GINS4: variants seen among roughly 807,000 people sequenced by gnomAD.
The protein encoded by GINS4 is GINS complex subunit 4, also known as DNA replication complex GINS protein SLD5.
In GINS4, 20 loss-of-function variants were observed where a neutral mutation model predicts 31.1. The ratio of observed to expected loss-of-function variants is 0.64; its 90% CI spans 0.45 to 0.93. The LOEUF (loss-of-function observed/expected upper bound fraction) is 0.93, where lower values mean the gene tolerates loss of function less well. GINS4 is among the 40% of genes least tolerant of loss of function. The pLI is 0.00. For missense variants in GINS4, 245 were observed against 273.9 expected (o/e 0.89, Z 0.75); for synonymous variants, 85 against 97.9 (o/e 0.87, Z 0.78).
Position 41,538,405 on chromosome 8 carries a change from CATCACATTAGCATATTT to C in GINS4, c.297+1129_297+1145del, listed in dbSNP as rs533038196. Among the ~76,000 whole-genome samples the C allele has an allele frequency of 9.0e-4, 137 of 152,100 alleles. 2 individuals carry two copies. The South Asian group carries it at 0.028, about 31-fold the overall frequency. On this transcript the variant is annotated intron_variant, in intron 4 of 7. Transcript: ENST00000276533. ...ATTAAGCTGGTAGTAATGCCAACCA[CATCACATTAGCATATTT>C]ATCACATTAGCATATTGACAGGTAC...
At chr8:41,534,254 A>G in intron 2 of GINS4, 1 of 427,972 alleles carries the variant, frequency 2.3e-6, no homozygotes, top group Non-Finnish European at 4.7e-6. Context: ...AAAAAATTTA[A>G]AAATTAGCCA....
chr8:41,537,372 C>T lies in GINS4; in HGVS notation c.297+79C>T, dbSNP rs958694574. The T allele has an allele frequency of 6.2e-5, 67 of 1,087,828 alleles. No homozygotes were observed. In the Middle Eastern group the frequency reaches 8.8e-4, roughly 14 times the overall value. The allele number at this position is 1,087,828 out of a possible 1,614,324, so 67.4% of individuals were successfully genotyped here. On this transcript the variant is annotated intron_variant, in intron 4 of 7. Transcript: ENST00000276533. ...CTGAATGTCCTGGGGAAAACTTGGGCTGGGGCCCAGGAGGGTCCAGGACCT... is the reference window on the plus strand; with the variant it reads ...CTGAATGTCCTGGGGAAAACTTGGGTTGGGGCCCAGGAGGGTCCAGGACCT...
At chr8:41,530,112 C>A in intron 1 of GINS4, 72 bp from the exon 2 acceptor site, 1 of 991,422 alleles carries the variant, frequency 1.0e-6, no homozygotes, top group Non-Finnish European at 1.5e-6. Flanking sequence ...TTTCCTTTCT[C>A]CAGATAGATG....
intron 4 of GINS4, among the ~76,000 whole-genome samples, chr8:41,538,912 A>G (rs1806786850): frequency 6.6e-6 from 1 of 150,876 alleles, no homozygotes; most frequent in Non-Finnish European, 1.5e-5. Context: ...GGCCAGGCTG[A>G]TCTCGAACTC....
chr8:41,541,814 A>G lies in GINS4; in HGVS notation c.490A>G (p.Lys164Glu). ...CATTGTTGTTTTCCTGGCAGTTCCC[A>G]AACCAGATCTAGATTCTTACGTGTT... Reference protein sequence around the residue: ...QKVDLFRAVPKPDLDSYVFLR... With the variant: ...QKVDLFRAVPEPDLDSYVFLR... The change falls in exon 7 of 8, where the codon AAA becomes GAA. Residue 164 changes from lysine to glutamate, a missense_variant. Lys to Glu is a moderately conservative substitution (Grantham distance 56). Coordinates refer to ENST00000276533, the MANE Select transcript of GINS4 (RefSeq NM_032336.3). The G allele has an allele frequency of 6.2e-7, 1 of 1,613,824 alleles. No individual in the cohort carries two copies. Among genetic ancestry groups the G allele is most frequent in the Non-Finnish European group, 8.5e-7 (1 of 1,179,730 alleles).
chr8:41,530,064 TA>T, intron 1 of GINS4, 119 bp from the exon 2 acceptor site: 1 of 621,980 alleles, frequency 1.6e-6, no homozygotes, highest in African/African-American at 1.9e-5. Flanking sequence ...CACCACTTGC[TA>T]AAGGGCCTCT....
At chr8:41,541,932 T>C (rs1806848246) in intron 7 of GINS4, 33 bp downstream of exon 7, 2 of 1,609,896 alleles carry the variant, frequency 1.2e-6, no homozygotes, top group African/African-American at 2.7e-5. Flanking sequence ...AGTGGGCACA[T>C]TCCTCCCGAT....
intron 2 of GINS4, 47 bp from the exon 3 acceptor site, chr8:41,536,313 A>G (rs1806740374): frequency 8.6e-7 from 1 of 1,157,556 alleles, no homozygotes; most frequent in African/African-American, 1.5e-5. Context: ...TGGGTTGTTT[A>G]GCTCTGTGGT....
intron 6 of GINS4, 38 bp downstream of exon 6, chr8:41,540,042 C>T (rs1806810941): frequency 1.5e-6 from 2 of 1,372,562 alleles, no homozygotes; most frequent in Admixed American, 1.7e-5. Flanking sequence ...GCCCACCCAT[C>T]CTCAGGTGTC....
Position 41,537,307 on chromosome 8 carries a change from A to G in GINS4, c.297+14A>G. The G allele has an allele frequency of 6.4e-7, 1 of 1,554,342 alleles. No individual in the cohort carries two copies. Among genetic ancestry groups the G allele is most frequent in the Non-Finnish European group, 8.9e-7 (1 of 1,128,036 alleles). On this transcript the variant is annotated intron_variant, in intron 4 of 7. Transcript: ENST00000276533. ...CGCCTCATGAAGGTTTGACGTGGAG[A>G]TACCTGGAGGGATTGAGACAGCACA...
chr8:41,535,188 ATT>A (rs1806721253), intron 2 of GINS4, among the ~76,000 whole-genome samples: 1 of 152,076 alleles, frequency 6.6e-6, no homozygotes, highest in African/African-American at 2.4e-5. Flanking sequence ...AAATACAAAA[ATT>A]AGCTGGGCAT....
Position 41,543,826 on chromosome 8 carries a change from C to T in GINS4, c.*1739C>T, listed in dbSNP as rs1361555749. Reference sequence around the variant, plus strand: ...GTTCAAGAGATTCTCCTGCCCCAGCCTCCCGAGTAGCTGGTATTATAGGTG... The same window carrying T: ...GTTCAAGAGATTCTCCTGCCCCAGCTTCCCGAGTAGCTGGTATTATAGGTG... On this transcript the variant is annotated 3_prime_UTR_variant, in exon 8 of 8. Coordinates refer to ENST00000276533, the MANE Select transcript of GINS4 (RefSeq NM_032336.3). 1 of 152,114 alleles carries T rather than the reference C, an allele frequency of 6.6e-6. No homozygotes were observed. Among genetic ancestry groups the T allele is most frequent in the African/African-American group, 2.4e-5 (1 of 41,396 alleles). The allele number at this position is 152,114 out of a possible 1,614,324, so 9.4% of individuals were successfully genotyped here.
At chr8:41,537,325 A>T (rs769271902) in intron 4 of GINS4, 32 bp downstream of exon 4, 3 of 1,460,648 alleles carry the variant, frequency 2.1e-6, no homozygotes, top group Non-Finnish European at 2.9e-6. Flanking sequence ...AGGGATTGAG[A>T]CAGCACAGTC....
chr8:41,533,930 C>G (rs1347342544), intron 2 of GINS4, among the ~76,000 whole-genome samples: 2 of 152,246 alleles, frequency 1.3e-5, no homozygotes, highest in African/African-American at 4.8e-5. Flanking sequence ...TACCCCTTAT[C>G]AGGGCACCAG....
chr8:41,529,457 A>AGG (rs1420157135), intron 1 of GINS4, 61 bp downstream of exon 1: 1 of 151,986 alleles, frequency 6.6e-6, no homozygotes, highest in Non-Finnish European at 1.5e-5. Flanking sequence ...ACTGAGAGGG[A>AGG]GGAGGGGAGG....
chr8:41,534,782 G>T (rs1464531614), intron 2 of GINS4, among the ~76,000 whole-genome samples: 1 of 151,932 alleles, frequency 6.6e-6, no homozygotes, highest in African/African-American at 2.4e-5. Context: ...GCCCTGGCTG[G>T]AGGGCAGTGG....
At chr8:41,537,353 GTC>G in intron 4 of GINS4, 60 bp downstream of exon 4, 2 of 1,269,650 alleles carry the variant, frequency 1.6e-6, no homozygotes, top group Non-Finnish European at 2.3e-6. Flanking sequence ...CAGACTGAAT[GTC>G]CTGGGGAAAA....
chr8:41,542,065 C>T lies in GINS4; in HGVS notation c.650C>T (p.Ser217Phe). 6.2e-7 allele frequency: 1 copy of T among 1,613,846 alleles called. No homozygotes were observed. The highest frequency in any genetic ancestry group is 8.5e-7 in the Non-Finnish European group (1 of 1,179,726). Residue 217 changes from serine to phenylalanine, a missense_variant, in exon 8 of 8, where the codon TCT becomes TTT. Physicochemically the swap from Ser to Phe is radical, Grantham distance 155. Transcript: ENST00000276533. ...AAAACCATTGCACCTCTGGTTGCAT[C>T]TGGAGCTGTCCAGCTAATTTAAAAC... ...RYKTIAPLVA[S>F]GAVQLI
intron 2 of GINS4, among the ~76,000 whole-genome samples, chr8:41,536,009 G>A (rs185067918): frequency 4.6e-5 from 7 of 152,300 alleles, no homozygotes; most frequent in Admixed American, 3.9e-4. Context: ...TAGACATGGG[G>A]TGGCGCTGCC....
Sources: allele counts gnomAD v4.1 joint callset (sites outside exome capture counted in the v4.1 genomes callset), GRCh38; gene constraint gnomAD v4.1.1; transcripts MANE v1.5; gene names NCBI Gene and HGNC (gene_info 2026-07-23, HGNC 2026-07-21).